Variants in SLC23A2 observed in about 807,000 individuals in gnomAD.
SLC23A2 encodes the protein solute carrier family 23 member 2, also known as Na(+)/L-ascorbic acid transporter 2.
A neutral mutation model predicts 73.3 loss-of-function variants in SLC23A2; 36 were observed. The ratio of observed to expected loss-of-function variants is 0.49; its 90% CI spans 0.38 to 0.65. The LOEUF (loss-of-function observed/expected upper bound fraction) is 0.65, where lower values mean the gene tolerates loss of function less well. Ranked by LOEUF, SLC23A2 falls within the 30% of genes least tolerant of loss-of-function variation. The pLI, the probability that SLC23A2 is intolerant of heterozygous loss-of-function variation, is 0.00. For missense variants in SLC23A2, 507 were observed against 841.6 expected (o/e 0.60, Z 4.92); for synonymous variants, 343 against 327.3 (o/e 1.05, Z -0.52).
chr20:4,881,615 G>C (rs972022382), intron 9 of SLC23A2, among the ~76,000 whole-genome samples: 1 of 152,126 alleles, frequency 6.6e-6, no homozygotes, highest in African/African-American at 2.4e-5. Context: ...CAAGAGATCA[G>C]CTTTTAGATT....
intron 1 of SLC23A2, among the ~76,000 whole-genome samples, chr20:4,974,819 G>A (rs1042583478): frequency 5.3e-5 from 8 of 152,042 alleles, no homozygotes; most frequent in African/African-American, 1.7e-4. Flanking sequence ...ACGGAGTCTC[G>A]CTCTGTCACC....
chr20:4,949,428 G>GA (rs2087165888), intron 2 of SLC23A2, among the ~76,000 whole-genome samples: 1 of 151,954 alleles, frequency 6.6e-6, no homozygotes, highest in East Asian at 1.9e-4. Context: ...ATAAGCACCT[G>GA]AAAAACACAG....
intron 4 of SLC23A2, among the ~76,000 whole-genome samples, chr20:4,910,321 G>A (rs915809720): frequency 7.3e-5 from 11 of 151,004 alleles, no homozygotes; most frequent in Admixed American, 3.3e-4. Flanking sequence ...AGATTGTAGC[G>A]AGCAGAGACT....
At chr20:4,901,495 C>T (rs1392669650) in intron 5 of SLC23A2, among the ~76,000 whole-genome samples, 3 of 152,182 alleles carry the variant, frequency 2.0e-5, no homozygotes, top group African/African-American at 7.2e-5. Context: ...CACGTTGTCC[C>T]CTTTCTCCAA....
chr20:4,986,258 T>C (rs2087824583), intron 1 of SLC23A2, among the ~76,000 whole-genome samples: 1 of 151,968 alleles, frequency 6.6e-6, no homozygotes, highest in Admixed American at 6.6e-5. Flanking sequence ...ACCCAGGAGT[T>C]CCAGACTAGC....
intron 6 of SLC23A2, among the ~76,000 whole-genome samples, chr20:4,898,839 C>T (rs906668446): frequency 6.6e-6 from 1 of 152,184 alleles, no homozygotes; most frequent in African/African-American, 2.4e-5. Flanking sequence ...AAAGGCCACA[C>T]TGGAAGGATG....
At chr20:5,001,676 G>C (rs1256478286), upstream of SLC23A2, among the ~76,000 whole-genome samples, 3 of 147,754 alleles carry the variant, frequency 2.0e-5, no homozygotes, top group Admixed American at 2.0e-4. Context: ...CCCGGGCCTC[G>C]CACCCAGCCG....
intron 3 of SLC23A2, among the ~76,000 whole-genome samples, chr20:4,919,750 A>G (rs1932442694): frequency 6.6e-6 from 1 of 152,178 alleles, no homozygotes; most frequent in Admixed American, 6.5e-5. Context: ...AGCACATTAC[A>G]GCACTCCACC....
At chr20:4,885,715 C>T (rs1316836574) in intron 7 of SLC23A2, 106 bp downstream of exon 7, 2 of 790,666 alleles carry the variant, frequency 2.5e-6, no homozygotes, top group East Asian at 2.6e-5. Flanking sequence ...TGCTTTGTCC[C>T]TAATTCTTGA....
chr20:4,926,929 A>G (rs3848827), intron 3 of SLC23A2, among the ~76,000 whole-genome samples: 13 of 152,172 alleles, frequency 8.5e-5, no homozygotes, highest in African/African-American at 3.1e-4. Flanking sequence ...ACACCCCACA[A>G]GCCTGGTTCT....
intron 1 of SLC23A2, among the ~76,000 whole-genome samples, chr20:4,989,223 C>T (rs1413918794): frequency 8.7e-5 from 12 of 138,698 alleles, no homozygotes; most frequent in African/African-American, 3.3e-4. Flanking sequence ...GGTGACAGAG[C>T]GAGACCCCGT....
At chr20:4,866,829 T>C (rs1930218187) in intron 13 of SLC23A2, among the ~76,000 whole-genome samples, 1 of 152,142 alleles carries the variant, frequency 6.6e-6, no homozygotes, top group Non-Finnish European at 1.5e-5. Flanking sequence ...CAACCAGTTC[T>C]AGAAGGTTTC....
chr20:4,928,144 ATCC>A (rs1479869026), intron 3 of SLC23A2, among the ~76,000 whole-genome samples: 1 of 152,184 alleles, frequency 6.6e-6, no homozygotes, highest in African/African-American at 2.4e-5. Flanking sequence ...GGCTCAAAGA[ATCC>A]TCCCATCTCA....
Position 4,884,802 on chromosome 20 carries a change from G to A in SLC23A2, c.593C>T (p.Thr198Ile). Residue 198 changes from threonine (T) to isoleucine (I), a missense_variant, in exon 8 of 17, where the codon ACA becomes ATA. Transcript: ENST00000338244. ...NTTDVSVANG[T>I]AELLHTEHIW... ...GTGTTCTGTGTGCAACAGCTCTGCT[G>A]TTCCATTGGCAACTGAAACATCTTG... is the stretch of plus-strand genomic sequence containing the variant. The A allele has an allele frequency of 6.4e-7, 1 of 1,569,328 alleles. No homozygotes were observed. The highest frequency in any genetic ancestry group is 1.2e-5 in the South Asian group (1 of 84,482).
chr20:4,957,765 G>T (rs1234769795), intron 2 of SLC23A2, among the ~76,000 whole-genome samples: 2 of 151,726 alleles, frequency 1.3e-5, no homozygotes, highest in African/African-American at 4.8e-5. Context: ...GCCAGACATG[G>T]TGGTGGGCGC....
At chr20:4,901,156 C>T (rs1931730471) in intron 5 of SLC23A2, among the ~76,000 whole-genome samples, 1 of 152,178 alleles carries the variant, frequency 6.6e-6, no homozygotes, top group Non-Finnish European at 1.5e-5. Context: ...GCCGAGGCCA[C>T]TCAGCTCCTT....
chr20:4,898,225 C>G (rs1163791288), intron 6 of SLC23A2, among the ~76,000 whole-genome samples: 4 of 152,236 alleles, frequency 2.6e-5, no homozygotes, highest in Admixed American at 6.5e-5. Context: ...GGCAGACTAG[C>G]AAGGGCTGGG....
intron 1 of SLC23A2, among the ~76,000 whole-genome samples, chr20:4,994,831 G>A (rs1387185869): frequency 6.6e-6 from 1 of 151,892 alleles, no homozygotes; most frequent in East Asian, 1.9e-4. Flanking sequence ...CTACTCAGGA[G>A]GCTGAGGCAG....
intron 1 of SLC23A2, among the ~76,000 whole-genome samples, chr20:4,978,843 G>T (rs941929071): frequency 6.6e-6 from 1 of 152,162 alleles, no homozygotes; most frequent in Admixed American, 6.6e-5. Context: ...TAGGACAAGT[G>T]TTTCCAGAGA....
Sources: gnomAD v4.1 joint callset for allele counts (sites outside exome capture counted in the v4.1 genomes callset) on GRCh38, gnomAD v4.1.1 for gene constraint, MANE v1.5 for transcripts, NCBI Gene and HGNC (gene_info 2026-07-23, HGNC 2026-07-21) for gene names.